The following GPBP1L1 variants were observed in gnomAD, a reference collection of about 807,000 sequenced individuals.
GPBP1L1 encodes GC-rich promoter binding protein 1 like 1, also known as vasculin-like protein 1.
A neutral mutation model predicts 52.5 loss-of-function variants in GPBP1L1; 23 were observed. The ratio of observed to expected loss-of-function variants is 0.44; its 90% CI spans 0.32 to 0.62. The LOEUF (loss-of-function observed/expected upper bound fraction) is 0.62, where lower values mean the gene tolerates loss of function less well. Among genes scored for constraint, GPBP1L1 ranks in the 20% least tolerant of loss-of-function variants. The pLI is 0.06. For synonymous variants in GPBP1L1, 243 were observed against 203.1 expected (o/e 1.20, Z -1.67); for missense variants, 596 against 579.3 (o/e 1.03, Z -0.30).
intron 7 of GPBP1L1, chr1:45,641,852 GTTAA>G (rs1173222663): frequency 6.8e-6 from 1 of 148,132 alleles, no homozygotes; most frequent in East Asian, 2.0e-4. Context: ...AAGTAGCAAT[GTTAA>G]TTAAGTTACT....
At chr1:45,648,487 A>G (rs1379881315) in intron 6 of GPBP1L1, among the ~76,000 whole-genome samples, 3 of 152,170 alleles carry the variant, frequency 2.0e-5, no homozygotes, top group Non-Finnish European at 4.4e-5. Flanking sequence ...ATGCCCTACG[A>G]GCTTTCCAGA....
chr1:45,656,582 C>T (rs1446073549), intron 4 of GPBP1L1, among the ~76,000 whole-genome samples: 2 of 151,992 alleles, frequency 1.3e-5, no homozygotes, highest in Non-Finnish European at 2.9e-5. Context: ...GAAGCTAGTT[C>T]TTCTAGCTCA....
chr1:45,656,980 C>T (rs1240493857), intron 4 of GPBP1L1, among the ~76,000 whole-genome samples: 2 of 152,154 alleles, frequency 1.3e-5, no homozygotes, highest in Non-Finnish European at 2.9e-5. Context: ...GCCACTGAGC[C>T]CAGCCTCTAC....
chr1:45,663,477 C>A (rs2148488402), intron 2 of GPBP1L1, among the ~76,000 whole-genome samples: 1 of 152,286 alleles, frequency 6.6e-6, no homozygotes, highest in Middle Eastern at 3.4e-3. Flanking sequence ...AGAAGAAATA[C>A]TAACTAGCAA....
chr1:45,648,413 C>T (rs1176441631), intron 6 of GPBP1L1, among the ~76,000 whole-genome samples: 1 of 152,112 alleles, frequency 6.6e-6, no homozygotes, highest in African/African-American at 2.4e-5. Flanking sequence ...TCCCAGAGCC[C>T]CTGTATTTAC....
At position 45,659,147 on chromosome 1, in the gene GPBP1L1, A is replaced by G. The variant is rs1644917887; in HGVS notation, c.-55-5T>C. ...ATCCAACCTCATGGCCAGGATCTGA[A>G]AACAAAACAATTCAAATCACTTATG... On this transcript the variant is annotated splice_polypyrimidine_tract_variant and splice_region_variant and intron_variant, in intron 3 of 12. Coordinates refer to ENST00000355105, the MANE Select transcript of GPBP1L1 (RefSeq NM_021639.5). The G allele has an allele frequency of 1.3e-6, 2 of 1,522,478 alleles. No homozygotes were observed. Among genetic ancestry groups the G allele is most frequent in the East Asian group, 4.5e-5 (2 of 44,450 alleles). The allele number at this position is 1,522,478 out of a possible 1,614,324, so 94.3% of individuals were successfully genotyped here.
intron 6 of GPBP1L1, among the ~76,000 whole-genome samples, chr1:45,650,291 T>C (rs1644804540): frequency 6.6e-6 from 1 of 152,146 alleles, no homozygotes; most frequent in Non-Finnish European, 1.5e-5. Context: ...CATCACCAAC[T>C]TACTCTCTAA....
At chr1:45,648,595 T>G (rs1644781199) in intron 6 of GPBP1L1, among the ~76,000 whole-genome samples, 1 of 152,216 alleles carries the variant, frequency 6.6e-6, no homozygotes, top group Non-Finnish European at 1.5e-5. Flanking sequence ...CCAAGCCTCT[T>G]ATATAGATTT....
Position 45,654,677 on chromosome 1 carries a change from C to T in GPBP1L1, c.343G>A (p.Gly115Arg), listed in dbSNP as rs576649406. 3 of 1,614,164 alleles carry T rather than the reference C, an allele frequency of 1.9e-6. No individual in the cohort carries two copies. Among genetic ancestry groups the T allele is most frequent in the Non-Finnish European group, 2.5e-6 (3 of 1,180,018 alleles). Residue 115 changes from glycine (G) to arginine (R), a missense_variant, in exon 6 of 13, where the codon GGG becomes AGG. Transcript: ENST00000355105. Reference protein sequence around the residue: ...GMSQRSGGGTGNHRHWNGSFH... With the variant: ...GMSQRSGGGTRNHRHWNGSFH... ...CTGCCATTCCAATGGCGATGGTTCC[C>T]TGTGCCACCTCCACTACGTTGGCTC...
chr1:45,631,091 A>G (rs1644525411), intron 10 of GPBP1L1, among the ~76,000 whole-genome samples: 1 of 68,560 alleles, frequency 1.5e-5, no homozygotes, highest in Non-Finnish European at 3.1e-5. Flanking sequence ...AGCCACACTA[A>G]AAAAAAAAAA....
intron 2 of GPBP1L1, among the ~76,000 whole-genome samples, chr1:45,673,948 C>A (rs889115677): frequency 1.5e-4 from 23 of 152,164 alleles, no homozygotes; most frequent in African/African-American, 5.3e-4. Context: ...CACGGTGGCC[C>A]AGGCTTGTAA....
intron 4 of GPBP1L1, 95 bp downstream of exon 4, chr1:45,658,933 C>A (rs1283739924): frequency 9.6e-6 from 8 of 833,138 alleles, no homozygotes; most frequent in East Asian, 2.4e-5. Context: ...CAGAGGGAGA[C>A]CCTGTCTCAA....
At chr1:45,665,692 G>T (rs1044396975) in intron 2 of GPBP1L1, among the ~76,000 whole-genome samples, 6 of 134,072 alleles carry the variant, frequency 4.5e-5, no homozygotes, top group African/African-American at 2.8e-5. Flanking sequence ...AGTGAGCCAA[G>T]ATCACGCCAC....
intron 2 of GPBP1L1, among the ~76,000 whole-genome samples, chr1:45,661,677 G>A (rs116030562): frequency 0.013 from 2,032 of 152,092 alleles, 11 homozygotes; most frequent in Middle Eastern, 0.034. Context: ...GGCTGGTCTC[G>A]AACTCGACTT....
intron 6 of GPBP1L1, among the ~76,000 whole-genome samples, chr1:45,648,727 T>G (rs772370793): frequency 6.6e-6 from 1 of 152,208 alleles, no homozygotes; most frequent in African/African-American, 2.4e-5. Context: ...TTTTTAACTT[T>G]ACTTTAAAAT....
At chr1:45,667,567 G>C (rs778969085) in intron 2 of GPBP1L1, among the ~76,000 whole-genome samples, 3 of 152,132 alleles carry the variant, frequency 2.0e-5, no homozygotes, top group East Asian at 3.8e-4. Context: ...CACTACCAGT[G>C]CTCTTGGCTT....
chr1:45,628,158 T>G lies in GPBP1L1; in HGVS notation c.*98A>C. On this transcript the variant is annotated 3_prime_UTR_variant, in exon 13 of 13. Transcript: ENST00000355105. ...GATTATTTCCCTTGTGAATGAAGTA[T>G]TCAACAACATAAGAAAAGGAAAAGA... The G allele has an allele frequency of 3.5e-6, 4 of 1,145,564 alleles. No individual in the cohort carries two copies. Among genetic ancestry groups the G allele is most frequent in the Non-Finnish European group, 5.1e-6 (4 of 791,258 alleles). 71.0% of individuals were successfully genotyped at this position (1,145,564 alleles called of 1,614,324 possible).
At chr1:45,684,694 A>G (rs755486002) in intron 2 of GPBP1L1, among the ~76,000 whole-genome samples, 9 of 152,156 alleles carry the variant, frequency 5.9e-5, no homozygotes, top group African/African-American at 1.2e-4. Flanking sequence ...CAAAAAATCA[A>G]TATCTCACTC....
intron 2 of GPBP1L1, among the ~76,000 whole-genome samples, chr1:45,677,440 A>G (rs972120544): frequency 1.3e-5 from 2 of 151,962 alleles, no homozygotes; most frequent in African/African-American, 4.8e-5. Context: ...TCAAGACTAC[A>G]GTGAGCTGTG....
Sources: gnomAD v4.1 joint callset for allele counts (sites outside exome capture counted in the v4.1 genomes callset) on GRCh38, gnomAD v4.1.1 for gene constraint, MANE v1.5 for transcripts, NCBI Gene and HGNC (gene_info 2026-07-23, HGNC 2026-07-21) for gene names.